The following MBD5 variants were observed in gnomAD, a reference collection of about 807,000 sequenced individuals.
MBD5 encodes the protein methyl-CpG-binding domain protein 5.
A neutral mutation model predicts 117.3 loss-of-function variants in MBD5; 13 were observed. The ratio of observed to expected loss-of-function variants is 0.11; its 90% CI spans 0.07 to 0.18. MBD5 has a LOEUF of 0.18. Among genes scored for constraint, MBD5 ranks in the 10% least tolerant of loss-of-function variants. MBD5 has a pLI of 1.00. For missense variants in MBD5, 1,879 were observed against 2,093.8 expected, an observed-to-expected ratio of 0.90 and a Z score of 2.00; for synonymous variants, 727 against 766.4, an observed-to-expected ratio of 0.95 and a Z score of 0.85.
intron 4 of MBD5, among the ~76,000 whole-genome samples, chr2:148,423,105 G>A (rs963785537): frequency 1.1e-4 from 16 of 152,124 alleles, no homozygotes; most frequent in Non-Finnish European, 2.2e-4. Context: ...TCCTCGAGAA[G>A]AGCAACCCCA....
intron 1 of MBD5, among the ~76,000 whole-genome samples, chr2:148,053,685 G>C (rs557229536): frequency 1.3e-5 from 2 of 152,048 alleles, no homozygotes; most frequent in Non-Finnish European, 2.9e-5. Flanking sequence ...TATTATTTGA[G>C]ATTCATACAT....
chr2:148,046,382 A>G (rs1007999192), intron 1 of MBD5, among the ~76,000 whole-genome samples: 19 of 152,186 alleles, frequency 1.2e-4, no homozygotes, highest in African/African-American at 4.6e-4. Flanking sequence ...AAACACATCA[A>G]AATAATTCAG....
At chr2:148,053,637 C>T (rs1414052945) in intron 1 of MBD5, among the ~76,000 whole-genome samples, 1 of 152,056 alleles carries the variant, frequency 6.6e-6, no homozygotes, top group South Asian at 2.1e-4. Context: ...AAGGAACTTA[C>T]ACCATATGCA....
At chr2:148,291,179 T>C (rs983989408) in intron 3 of MBD5, among the ~76,000 whole-genome samples, 26 of 152,196 alleles carry the variant, frequency 1.7e-4, no homozygotes, top group African/African-American at 6.3e-4. Context: ...GTTTGGGCTA[T>C]TCTACGTTCT....
Position 148,233,234 on chromosome 2 carries a change from G to A in MBD5, c.-830-11G>A, listed in dbSNP as rs995219790. The stretch of plus-strand genomic sequence containing the variant: ...AAATTGGTAAATTCACCCTGGTATC[G>A]TTTTTAACAGGACCAAGGAAATAAA... On this transcript the variant is annotated splice_polypyrimidine_tract_variant and intron_variant, in intron 2 of 13. Coordinates refer to ENST00000642680, the MANE Select transcript of MBD5 (RefSeq NM_001378120.1). 8 of 152,174 alleles carry A rather than the reference G, an allele frequency of 5.3e-5. No homozygotes were observed. Among genetic ancestry groups the A allele is most frequent in the South Asian group, 2.1e-4 (1 of 4,828 alleles). 9.4% of individuals were successfully genotyped at this position (152,174 alleles called of 1,614,324 possible).
chr2:148,389,292 A>G (rs1379492972), intron 4 of MBD5, among the ~76,000 whole-genome samples: 4 of 103,056 alleles, frequency 3.9e-5, no homozygotes, highest in East Asian at 2.9e-4. Flanking sequence ...ATATATATAT[A>G]TATATATATA....
At chr2:148,189,024 C>A (rs1005493545) in intron 2 of MBD5, among the ~76,000 whole-genome samples, 48 of 147,294 alleles carry the variant, frequency 3.3e-4, no homozygotes, top group African/African-American at 1.2e-3. Context: ...GGGTCACTCC[C>A]ACCCGAATAT....
At chr2:148,405,827 A>G (rs1369682959) in intron 4 of MBD5, among the ~76,000 whole-genome samples, 1 of 152,072 alleles carries the variant, frequency 6.6e-6, no homozygotes, top group Admixed American at 6.6e-5. Context: ...TCCACATAAC[A>G]GTTGCTGGTA....
chr2:148,322,619 G>T (rs59745578), intron 3 of MBD5, among the ~76,000 whole-genome samples: 2 of 152,050 alleles, frequency 1.3e-5, no homozygotes, highest in Admixed American at 6.5e-5. Flanking sequence ...CTCAGTGGCA[G>T]TTTGGAAACT....
intron 4 of MBD5, among the ~76,000 whole-genome samples, chr2:148,449,678 AG>A (rs1199997377): frequency 6.6e-6 from 1 of 151,994 alleles, no homozygotes; most frequent in East Asian, 1.9e-4. Context: ...AGATCATAAT[AG>A]GTTAATGCAG....
Position 148,420,387 on chromosome 2 carries a change from C to G in MBD5, c.-556-37816C>G, listed in dbSNP as rs181172987. Among the ~76,000 whole-genome samples the G allele has an allele frequency of 4.9e-4, 74 of 152,332 alleles. No homozygotes were observed. In the East Asian group the frequency reaches 0.011, roughly 22 times the overall value. ...CCCTCTGTCTTTTGTCCCCCAACTT[C>G]AAAACCCATCTCCTATTTCATTTTT... is the stretch of plus-strand genomic sequence containing the variant. On this transcript the variant is annotated intron_variant, in intron 4 of 13. Coordinates refer to ENST00000642680, the MANE Select transcript of MBD5 (RefSeq NM_001378120.1).
chr2:148,081,855 C>T (rs912007341), intron 1 of MBD5, among the ~76,000 whole-genome samples: 4 of 152,146 alleles, frequency 2.6e-5, no homozygotes, highest in African/African-American at 9.7e-5. Flanking sequence ...TTCCAGGTAT[C>T]TTAGAATACA....
intron 2 of MBD5, among the ~76,000 whole-genome samples, chr2:148,209,572 A>T (rs1284146657): frequency 2.6e-5 from 4 of 151,710 alleles, no homozygotes. Flanking sequence ...TTGTTATAGA[A>T]GCTCAGACTA....
chr2:148,215,344 A>G (rs770330706), intron 2 of MBD5, among the ~76,000 whole-genome samples: 6 of 152,234 alleles, frequency 3.9e-5, no homozygotes, highest in Admixed American at 6.5e-5. Flanking sequence ...CTTGCCTTGA[A>G]TTATCAAAAG....
At chr2:148,377,320 T>C (rs960403954) in intron 4 of MBD5, among the ~76,000 whole-genome samples, 2 of 152,198 alleles carry the variant, frequency 1.3e-5, no homozygotes, top group African/African-American at 4.8e-5. Flanking sequence ...AGATGGTGTC[T>C]ACCCAGGTTA....
chr2:148,463,147 TG>T (rs1707146906), intron 6 of MBD5, among the ~76,000 whole-genome samples: 2 of 152,160 alleles, frequency 1.3e-5, no homozygotes, highest in Non-Finnish European at 2.9e-5. Context: ...TCATGTAAAA[TG>T]GTAAAATATT....
At position 148,228,998 on chromosome 2, in the gene MBD5, C is replaced by G. The variant is rs535633635; in HGVS notation, c.-830-4247C>G. ...TATTGCGTCTATTTGATTCTTCTCT[C>G]TTTTCTTCTTTATTAGTCTTGCTAG... On this transcript the variant is annotated intron_variant, in intron 2 of 13. Coordinates refer to ENST00000642680, the MANE Select transcript of MBD5 (RefSeq NM_001378120.1). Among the ~76,000 whole-genome samples, 16 of 152,128 alleles carry G rather than the reference C, an allele frequency of 1.1e-4. No homozygotes were observed. The South Asian group carries it at 2.9e-3, about 28-fold the overall frequency.
intron 1 of MBD5, among the ~76,000 whole-genome samples, chr2:148,078,172 A>C (rs1032778419): frequency 6.6e-6 from 1 of 152,204 alleles, no homozygotes; most frequent in South Asian, 2.1e-4. Flanking sequence ...ATCATTCTGA[A>C]CTCTTATAAG....
chr2:148,477,949 G>A (rs1268468409), intron 8 of MBD5, among the ~76,000 whole-genome samples: 9 of 152,078 alleles, frequency 5.9e-5, no homozygotes, highest in Admixed American at 5.9e-4. Context: ...GGTATAAGGA[G>A]GTTTTAAAAA....
Sources: gnomAD v4.1 joint callset for allele counts (sites outside exome capture counted in the v4.1 genomes callset) on GRCh38, gnomAD v4.1.1 for gene constraint, MANE v1.5 for transcripts, NCBI Gene and HGNC (gene_info 2026-07-23, HGNC 2026-07-21) for gene names.